CEACAM1: variants seen among roughly 807,000 people sequenced by gnomAD.
The protein encoded by CEACAM1 is CEA cell adhesion molecule 1.
Under a neutral mutation model 49.1 loss-of-function variants are expected in CEACAM1, and 31 were observed. The observed-to-expected ratio is 0.63, with a 90% confidence interval of 0.47 to 0.85. The LOEUF (loss-of-function observed/expected upper bound fraction) is 0.85. CEACAM1 is among the 40% of genes least tolerant of loss of function. CEACAM1 has a pLI of 0.00. For missense variants in CEACAM1, 570 were observed against 645.3 expected, an observed-to-expected ratio of 0.88 and a Z score of 1.26; for synonymous variants, 244 against 247.8, an observed-to-expected ratio of 0.98 and a Z score of 0.14.
rs1600233618 is a variant in CEACAM1, at chr19:42,521,872, TG to T, written c.703+51del. On this transcript the variant is annotated intron_variant, in intron 3 of 8. Transcript: ENST00000161559. ...GGGACTGAGAGGCCTGGCCTCTGGCTGCGTGGATTTGGGCTGGCAGCCTGGG... is the reference window on the plus strand; with the variant it reads ...GGGACTGAGAGGCCTGGCCTCTGGCTCGTGGATTTGGGCTGGCAGCCTGGG... The T allele has an allele frequency of 1.9e-6, 3 of 1,613,516 alleles. No homozygotes were observed. The East Asian group carries it at 6.7e-5, about 36-fold the overall frequency.
At chr19:42,521,243 G>A in intron 4 of CEACAM1, 24 bp downstream of exon 4, 2 of 1,611,340 alleles carry the variant, frequency 1.2e-6, no homozygotes, top group East Asian at 2.2e-5. Flanking sequence ...AGATCTTAGT[G>A]TTGATGCTCC....
At chr19:42,526,222 C>T (rs1320130609) in intron 2 of CEACAM1, among the ~76,000 whole-genome samples, 1 of 152,174 alleles carries the variant, frequency 6.6e-6, no homozygotes, top group African/African-American at 2.4e-5. Context: ...TCCCAAAGTA[C>T]TGGGATTACA....
intron 8 of CEACAM1, among the ~76,000 whole-genome samples, chr19:42,510,202 C>T (rs916258970): frequency 3.9e-5 from 6 of 152,222 alleles, no homozygotes; most frequent in Admixed American, 1.3e-4. Context: ...TCTCCTGCCT[C>T]AGCCTCCCAA....
chr19:42,512,574 G>C, intron 5 of CEACAM1, 95 bp from the exon 6 acceptor site: 1 of 1,230,130 alleles, frequency 8.1e-7, no homozygotes, highest in Non-Finnish European at 1.2e-6. Context: ...GTTTCTAATT[G>C]TTCCTTCAAG....
chr19:42,513,248 A>C (rs2041506329), intron 5 of CEACAM1, among the ~76,000 whole-genome samples: 1 of 152,082 alleles, frequency 6.6e-6, no homozygotes, highest in South Asian at 2.1e-4. Flanking sequence ...TGACTGTTTT[A>C]TTCTGAAGTG....
intron 7 of CEACAM1, 177 bp from the exon 8 acceptor site, chr19:42,511,097 G>A: frequency 1.6e-6 from 1 of 636,098 alleles, no homozygotes; most frequent in South Asian, 1.8e-5. Flanking sequence ...GGGGGCAGGG[G>A]CAGAACCACA....
chr19:42,525,520 A>C (rs1045019996), intron 2 of CEACAM1: 1 of 151,872 alleles, frequency 6.6e-6, no homozygotes, highest in Non-Finnish European at 1.5e-5. Flanking sequence ...GAGCCACCAC[A>C]CCTGACCCAG....
chr19:42,509,031 CA>C lies in CEACAM1; in HGVS notation c.*77del. 6.4e-7 allele frequency: 1 copy of C among 1,569,990 alleles called. No homozygotes were observed. Among genetic ancestry groups the C allele is most frequent in the Non-Finnish European group, 8.7e-7 (1 of 1,143,128 alleles). On this transcript the variant is annotated 3_prime_UTR_variant, in exon 9 of 9. Coordinates refer to ENST00000161559, the MANE Select transcript of CEACAM1 (RefSeq NM_001712.5). The stretch of plus-strand genomic sequence containing the variant: ...TTCTGTCCCCACCCCTCTACCCCTA[CA>C]GGGGAAAGGAATCTCCTAGTGATGA...
chr19:42,528,344 C>G lies in CEACAM1; in HGVS notation c.31G>C (p.Val11Leu), dbSNP rs745955696. MGHLSAPLHR[V>L]RVPWQGLLLT... ...AGAAGCCCCTGCCAGGGTACACGCACTCTGTGAAGTGGGGCTGAGAGGTGC... is the reference window on the plus strand; with the variant it reads ...AGAAGCCCCTGCCAGGGTACACGCAGTCTGTGAAGTGGGGCTGAGAGGTGC... Residue 11 changes from valine (V) to leucine (L), a missense_variant, in exon 1 of 9, where the codon GTG becomes CTG. Transcript: ENST00000161559. The G allele has an allele frequency of 1.1e-5, 17 of 1,613,902 alleles. No homozygotes were observed. The highest frequency in any genetic ancestry group is 1.4e-5 in the Non-Finnish European group (17 of 1,179,956).
Position 42,521,336 on chromosome 19 carries a change from A to C in CEACAM1, c.889T>G (p.Tyr297Asp). ...PNITVNNSGS[Y>D]TCHANNSVTG... is the part of the protein sequence containing the mutation. ...ACTGAGTTATTGGCGTGGCAGGTAT[A>C]GGATCCACTATTATTCACAGTGATG... Residue 297 changes from tyrosine (Y) to aspartate (D), a missense_variant, in exon 4 of 9, where the codon TAT (tyrosine) becomes GAT (aspartate). Physicochemically the swap from Tyr to Asp is radical, Grantham distance 160. Transcript: ENST00000161559. 1 of 1,614,192 alleles carries C rather than the reference A, an allele frequency of 6.2e-7. No homozygotes were observed. The highest frequency in any genetic ancestry group is 8.5e-7 in the Non-Finnish European group (1 of 1,180,020).
chr19:42,517,710 G>C (rs568349952), intron 5 of CEACAM1, among the ~76,000 whole-genome samples: 1 of 152,220 alleles, frequency 6.6e-6, no homozygotes, highest in Admixed American at 6.5e-5. Flanking sequence ...TAGAGAAATT[G>C]GAACTCTAGT....
rs556081938 is a variant in CEACAM1 at position 42,528,033 on chromosome 19, C to A, written c.64+278G>T. Among the ~76,000 whole-genome samples the A allele has an allele frequency of 3.3e-5, 5 of 152,344 alleles. No individual in the cohort carries two copies. The South Asian group carries it at 8.3e-4, about 25-fold the overall frequency. On this transcript the variant is annotated intron_variant, in intron 1 of 8. Coordinates refer to ENST00000161559, the MANE Select transcript of CEACAM1 (RefSeq NM_001712.5). ...TTTAAAATGTTTTCCTTAATTGTCA[C>A]GCTGACTTAAATTGTGATTATTGTC... is the stretch of plus-strand genomic sequence containing the variant.
At chr19:42,513,691 C>G (rs902301428) in intron 5 of CEACAM1, among the ~76,000 whole-genome samples, 1 of 149,952 alleles carries the variant, frequency 6.7e-6, no homozygotes, top group African/African-American at 2.5e-5. Context: ...GTCTGAGGTT[C>G]CTCTCACTCT....
Position 42,519,028 on chromosome 19 carries a change from T to C in CEACAM1, c.1166A>G (p.Glu389Gly). The C allele has an allele frequency of 6.5e-7, 1 of 1,533,590 alleles. No homozygotes were observed. Among genetic ancestry groups the C allele is most frequent in the Non-Finnish European group, 8.8e-7 (1 of 1,130,102 alleles). The allele number at this position is 1,533,590 out of a possible 1,614,324, so 95.0% of individuals were successfully genotyped here. Residue 389 changes from glutamate (E) to glycine (G), a missense_variant, in exon 5 of 9, where the codon GAG (glutamate) becomes GGG (glycine). By Grantham distance (98) the Glu-to-Gly change is moderately conservative. Coordinates refer to ENST00000161559, the MANE Select transcript of CEACAM1 (RefSeq NM_001712.5). ...TTLSINPVKR[E>G]DAGTYWCEVF... ...CTCACACCAATACGTCCCAGCATCC[T>C]CCCTCTTGACAGGGTTTATGCTGAG...
intron 1 of CEACAM1, 23 bp from the exon 2 acceptor site, chr19:42,527,423 A>G (rs1009306632): frequency 1.2e-5 from 19 of 1,568,364 alleles, no homozygotes; most frequent in Admixed American, 1.9e-5. Flanking sequence ...AGAGAGCATC[A>G]GTCAATATTG....
At chr19:42,522,677 T>C (rs1336830288) in intron 2 of CEACAM1, among the ~76,000 whole-genome samples, 3 of 152,064 alleles carry the variant, frequency 2.0e-5, no homozygotes, top group Non-Finnish European at 4.4e-5. Flanking sequence ...TTCTCCTGCC[T>C]CAGCCTCCTG....
chr19:42,513,522 G>A (rs566537009), intron 5 of CEACAM1, among the ~76,000 whole-genome samples: 7 of 149,888 alleles, frequency 4.7e-5, no homozygotes, highest in African/African-American at 1.2e-4. Context: ...GCTTGAACCC[G>A]GGGGGCAGAG....
rs931062942 is a variant in CEACAM1 at position 42,510,825 on chromosome 19, TAATC to T, written c.1461+60_1461+63del. 21 of 1,431,726 alleles carry T rather than the reference TAATC, an allele frequency of 1.5e-5. No individual in the cohort carries two copies. In the African/African-American group the frequency reaches 2.7e-4, roughly 18 times the overall value. 88.7% of individuals were successfully genotyped at this position (1,431,726 alleles called of 1,614,324 possible). On this transcript the variant is annotated intron_variant, in intron 8 of 8. Transcript: ENST00000161559. Reference sequence around the variant, plus strand: ...TGATGTTACATTGTGTCTTCATGAATAATCAATTCTACACAGAATCATTTCCATG... The same window carrying T: ...TGATGTTACATTGTGTCTTCATGAATAATTCTACACAGAATCATTTCCATG...
At chr19:42,521,164 T>G in intron 4 of CEACAM1, 103 bp downstream of exon 4, 1 of 1,303,510 alleles carries the variant, frequency 7.7e-7, no homozygotes, top group Non-Finnish European at 1.1e-6. Flanking sequence ...TGTTTGTGCC[T>G]GTTGGATACA....
Sources: gnomAD v4.1 joint callset for allele counts (sites outside exome capture counted in the v4.1 genomes callset) on GRCh38, gnomAD v4.1.1 for gene constraint, MANE v1.5 for transcripts, NCBI Gene and HGNC (gene_info 2026-07-23, HGNC 2026-07-21) for gene names.